Variants in CNTNAP2 observed in about 807,000 individuals in gnomAD.
CNTNAP2 encodes contactin associated protein 2, also known as contactin-associated protein-like 2.
In CNTNAP2, 98 loss-of-function variants were observed where a neutral mutation model predicts 155.2. The observed-to-expected ratio is 0.63, with a 90% CI of 0.54 to 0.75. The LOEUF (loss-of-function observed/expected upper bound fraction) is 0.75, where lower values mean the gene tolerates loss of function less well. Among genes scored for constraint, CNTNAP2 ranks in the 30% least tolerant of loss-of-function variants. The pLI is 0.00. For missense variants in CNTNAP2, 1,727 were observed against 1,688.1 expected (o/e 1.02, Z -0.40); for synonymous variants, 651 against 631.2 (o/e 1.03, Z -0.47).
intron 11 of CNTNAP2, among the ~76,000 whole-genome samples, chr7:147,508,317 GA>G (rs1416315407): frequency 6.6e-6 from 1 of 151,872 alleles, no homozygotes; most frequent in African/African-American, 2.4e-5. Flanking sequence ...TCCTATAAAG[GA>G]AAAACGGTCC....
chr7:147,368,216 T>C (rs1199720850), intron 9 of CNTNAP2, among the ~76,000 whole-genome samples: 1 of 151,850 alleles, frequency 6.6e-6, no homozygotes, highest in South Asian at 2.1e-4. Flanking sequence ...TTAGTCACCA[T>C]GTGCTAGCTA....
chr7:147,666,595 G>A (rs769531154), intron 13 of CNTNAP2, among the ~76,000 whole-genome samples: 9 of 152,138 alleles, frequency 5.9e-5, no homozygotes, highest in Admixed American at 1.3e-4. Flanking sequence ...CTGTAAAACC[G>A]TATTCAGTGT....
chr7:146,479,821 G>A (rs1181340664), intron 1 of CNTNAP2, among the ~76,000 whole-genome samples: 2 of 151,996 alleles, frequency 1.3e-5, no homozygotes, highest in African/African-American at 2.4e-5. Flanking sequence ...GTCTTGCTCT[G>A]TCCCCCGGGC....
At chr7:147,284,933 T>A (rs1223471363) in intron 8 of CNTNAP2, among the ~76,000 whole-genome samples, 1 of 151,866 alleles carries the variant, frequency 6.6e-6, no homozygotes, top group African/African-American at 2.4e-5. Flanking sequence ...TGTAGAAGAA[T>A]AAGTAGTAGA....
At chr7:146,133,264 GT>G (rs1168563159) in intron 1 of CNTNAP2, among the ~76,000 whole-genome samples, 1 of 151,902 alleles carries the variant, frequency 6.6e-6, no homozygotes, top group African/African-American at 2.4e-5. Context: ...GGAGTTGTTT[GT>G]TTTTTTCTTG....
chr7:148,308,683 G>A (rs899267558), intron 21 of CNTNAP2, among the ~76,000 whole-genome samples: 3 of 151,856 alleles, frequency 2.0e-5, no homozygotes, highest in African/African-American at 7.3e-5. Context: ...CCATCAACCT[G>A]TCATCTACAT....
At position 147,985,606 on chromosome 7, in the gene CNTNAP2, C is replaced by A. The variant is rs572108827; in HGVS notation, c.2383+7617C>A. Among the ~76,000 whole-genome samples the A allele has an allele frequency of 2.0e-5, 3 of 151,824 alleles. No homozygotes were observed. The South Asian group carries it at 6.2e-4, about 32-fold the overall frequency. The stretch of plus-strand genomic sequence containing the variant: ...GAAAAGATCCCCCTTGATTTTGCAC[C>A]CCTCTTTTTGACAAGTCATCAAACA... On this transcript the variant is annotated intron_variant, in intron 15 of 23. Transcript: ENST00000361727.
At position 147,873,178 on chromosome 7, in the gene CNTNAP2, C is replaced by T. The variant is rs1799357987; in HGVS notation, c.2099-30387C>T. On this transcript the variant is annotated intron_variant, in intron 13 of 23. Coordinates refer to ENST00000361727, the MANE Select transcript of CNTNAP2 (RefSeq NM_014141.6). ...TAAAATTAGTAACACTAACTGGACT[C>T]CTTACCACTAAGGAGCTCTAACCAG... Among the ~76,000 whole-genome samples the T allele has an allele frequency of 3.9e-5, 6 of 152,140 alleles. No individual in the cohort carries two copies. The South Asian group carries it at 1.2e-3, about 32-fold the overall frequency.
intron 1 of CNTNAP2, among the ~76,000 whole-genome samples, chr7:146,571,524 A>G (rs1798439301): frequency 6.6e-6 from 1 of 152,042 alleles, no homozygotes; most frequent in Non-Finnish European, 1.5e-5. Context: ...TTTATTTGGG[A>G]GGTAGTTTTC....
chr7:146,573,217 A>G (rs897994112), intron 1 of CNTNAP2, among the ~76,000 whole-genome samples: 3 of 152,200 alleles, frequency 2.0e-5, no homozygotes, highest in Admixed American at 6.5e-5. Flanking sequence ...ATCTCGGCTC[A>G]CTGCAGCCTC....
intron 1 of CNTNAP2, 58 bp from the exon 2 acceptor site, chr7:146,774,213 A>G (rs889188780): frequency 5.7e-6 from 7 of 1,222,110 alleles, no homozygotes; most frequent in African/African-American, 4.5e-5. Context: ...ACACATACCA[A>G]TCGTTATTTC....
intron 22 of CNTNAP2, among the ~76,000 whole-genome samples, chr7:148,398,212 C>T (rs1355588254): frequency 6.6e-6 from 1 of 152,172 alleles, no homozygotes; most frequent in Admixed American, 6.5e-5. Flanking sequence ...GTGACTCCAC[C>T]ATGTTCTCAG....
intron 1 of CNTNAP2, among the ~76,000 whole-genome samples, chr7:146,746,833 A>C (rs1330506908): frequency 6.6e-6 from 1 of 152,134 alleles, no homozygotes; most frequent in East Asian, 1.9e-4. Context: ...TCTGTGATTT[A>C]GTTTTATGCT....
chr7:146,207,266 T>A (rs1177733056), intron 1 of CNTNAP2, among the ~76,000 whole-genome samples: 1 of 152,022 alleles, frequency 6.6e-6, no homozygotes, highest in Non-Finnish European at 1.5e-5. Flanking sequence ...GAATGTATCA[T>A]GCGGTACCGT....
At chr7:146,581,552 A>T (rs1415975635) in intron 1 of CNTNAP2, among the ~76,000 whole-genome samples, 5 of 152,082 alleles carry the variant, frequency 3.3e-5, no homozygotes, top group Non-Finnish European at 7.4e-5. Context: ...TTTAGGTTAC[A>T]AAAATATCAG....
At chr7:147,403,096 C>G (rs1298369215) in intron 10 of CNTNAP2, among the ~76,000 whole-genome samples, 2 of 152,176 alleles carry the variant, frequency 1.3e-5, no homozygotes. Context: ...TACCTGGAGG[C>G]TTCATCTGGA....
chr7:147,074,211 A>C (rs1370546659), intron 4 of CNTNAP2, among the ~76,000 whole-genome samples: 1 of 151,962 alleles, frequency 6.6e-6, no homozygotes, highest in African/African-American at 2.4e-5. Flanking sequence ...TTGTTTCTGG[A>C]GATCTCCATC....
At chr7:147,159,488 C>A (rs988536009) in intron 8 of CNTNAP2, among the ~76,000 whole-genome samples, 1 of 151,996 alleles carries the variant, frequency 6.6e-6, no homozygotes, top group Non-Finnish European at 1.5e-5. Flanking sequence ...GATTTGGATG[C>A]AATCTTTTAA....
rs922348758 is a variant in CNTNAP2, at chr7:146,829,459, A to G, written c.209-10252A>G. 1.3e-5 allele frequency among the ~76,000 whole-genome samples: 2 copies of G among 152,154 alleles called. 1 individual carries two copies. The highest frequency in any genetic ancestry group is 4.8e-5 in the African/African-American group (2 of 41,460). ...TTTCAAATATGTTAAAATCAGCTCAATATTCAGTATTATTATTTGGTTAAA... is the reference window on the plus strand; with the variant it reads ...TTTCAAATATGTTAAAATCAGCTCAGTATTCAGTATTATTATTTGGTTAAA... On this transcript the variant is annotated intron_variant, in intron 2 of 23. Transcript: ENST00000361727.
Sources: allele counts gnomAD v4.1 joint callset (sites outside exome capture counted in the v4.1 genomes callset), GRCh38; gene constraint gnomAD v4.1.1; transcripts MANE v1.5; gene names NCBI Gene and HGNC (gene_info 2026-07-23, HGNC 2026-07-21).